Variants in EBF1 observed in about 807,000 individuals in gnomAD.
EBF1 encodes the protein transcription factor COE1.
EBF1 carries 10 observed loss-of-function variants against 68.4 expected under a neutral mutation model. That is an observed-to-expected ratio of 0.15 (90% CI 0.09 to 0.25). The LOEUF (loss-of-function observed/expected upper bound fraction) is 0.25. EBF1 is among the 10% of genes least tolerant of loss of function. The pLI, the probability that EBF1 is intolerant of heterozygous loss-of-function variation, is 1.00. For synonymous variants in EBF1, 298 were observed against 299.8 expected (o/e 0.99, Z 0.06); for missense variants, 509 against 794.4 (o/e 0.64, Z 4.32).
Position 158,712,294 on chromosome 5 carries a change from T to G in EBF1, c.1409A>C (p.Tyr470Ser), listed in dbSNP as rs1314633758. ...CTGCTGGGGAGTGGTGCTCGGCACG[T>G]ACCCGTGTGGTGATACGCTGCTTGA... ...RNSSSVSPHG[Y>S]VPSTTPQQTN... is the part of the protein sequence containing the mutation. Residue 470 changes from tyrosine to serine, a missense_variant, in exon 14 of 16, where the codon TAC becomes TCC. By Grantham distance (144) the Tyr-to-Ser change is moderately radical (BLOSUM62 -2). Coordinates refer to ENST00000313708, the MANE Select transcript of EBF1 (RefSeq NM_024007.5). 1 of 1,614,008 alleles carries G rather than the reference T, an allele frequency of 6.2e-7. No individual in the cohort carries two copies. Among genetic ancestry groups the G allele is most frequent in the Non-Finnish European group, 8.5e-7 (1 of 1,180,018 alleles).
At chr5:159,016,383 C>A (rs114305117) in intron 6 of EBF1, among the ~76,000 whole-genome samples, 1 of 152,008 alleles carries the variant, frequency 6.6e-6, no homozygotes, top group Non-Finnish European at 1.5e-5. Flanking sequence ...TCTTGCCTTT[C>A]GGAATTGCTC....
chr5:158,906,304 G>GAA lies in EBF1; in HGVS notation c.555-66196_555-66195dup, dbSNP rs1238469759. Among the ~76,000 whole-genome samples, 245 of 90,426 alleles carry GAA rather than the reference G, an allele frequency of 2.7e-3. 8 individuals carry two copies. Among genetic ancestry groups the GAA allele is most frequent in the East Asian group, 3.4e-3 (8 of 2,346 alleles). 59.3% of individuals were successfully genotyped at this position (90,426 alleles called of 152,430 possible). On this transcript the variant is annotated intron_variant, in intron 6 of 15. Coordinates refer to ENST00000313708, the MANE Select transcript of EBF1 (RefSeq NM_024007.5). ...TGTCTTTCCTTACCCTGGCAATGCA[G>GAA]AAAAAAAAAAAAAAAAAAGCAAAGA...
chr5:158,795,520 T>TTGTAACCC (rs556134151), intron 9 of EBF1, among the ~76,000 whole-genome samples: 190 of 152,332 alleles, frequency 1.2e-3, no homozygotes, highest in African/African-American at 4.5e-3. Flanking sequence ...CTATGGTACC[T>TTGTAACCC]TGTAACCCTA....
At chr5:158,960,122 G>GAGC (rs1471438842) in intron 6 of EBF1, among the ~76,000 whole-genome samples, 3 of 152,286 alleles carry the variant, frequency 2.0e-5, no homozygotes, top group African/African-American at 7.2e-5. Flanking sequence ...GGGACACTTA[G>GAGC]AGCAGCAGAT....
intron 6 of EBF1, among the ~76,000 whole-genome samples, chr5:159,042,775 T>C (rs942055586): frequency 1.3e-5 from 2 of 152,040 alleles, no homozygotes; most frequent in African/African-American, 4.8e-5. Context: ...TCTAAGTTGT[T>C]AAGTTCTGTA....
At chr5:158,932,735 A>G (rs1201655609) in intron 6 of EBF1, among the ~76,000 whole-genome samples, 1 of 152,208 alleles carries the variant, frequency 6.6e-6, no homozygotes, top group Non-Finnish European at 1.5e-5. Context: ...TCAAGCCCAG[A>G]GATTACTGAA....
At chr5:159,038,335 G>A (rs947728547) in intron 6 of EBF1, among the ~76,000 whole-genome samples, 3 of 152,122 alleles carry the variant, frequency 2.0e-5, no homozygotes, top group Admixed American at 1.3e-4. Context: ...TCTGCATTTA[G>A]GTAACAGCCC....
intron 6 of EBF1, among the ~76,000 whole-genome samples, chr5:159,000,957 A>C (rs1561757689): frequency 6.6e-6 from 1 of 152,208 alleles, no homozygotes; most frequent in African/African-American, 2.4e-5. Context: ...GGTATCAAAG[A>C]AGAATAGTCA....
chr5:159,051,352 G>T (rs1179218938), intron 6 of EBF1, among the ~76,000 whole-genome samples: 1 of 35,042 alleles, frequency 2.9e-5, no homozygotes, highest in Non-Finnish European at 6.0e-5. Flanking sequence ...CCCCTCCCCA[G>T]CCCCCCAAAC....
intron 6 of EBF1, among the ~76,000 whole-genome samples, chr5:159,046,339 A>G (rs749361771): frequency 3.9e-5 from 6 of 152,202 alleles, no homozygotes. Flanking sequence ...AATCTTGTTG[A>G]ATTGAACCCA....
chr5:159,041,302 C>T (rs928231691), intron 6 of EBF1, among the ~76,000 whole-genome samples: 1 of 152,186 alleles, frequency 6.6e-6, no homozygotes, highest in African/African-American at 2.4e-5. Context: ...TACATACCTA[C>T]CTGAACACAG....
At chr5:158,705,780 G>A (rs1050103448) in intron 15 of EBF1, among the ~76,000 whole-genome samples, 1 of 152,126 alleles carries the variant, frequency 6.6e-6, no homozygotes, top group African/African-American at 2.4e-5. Context: ...AGAAGACATC[G>A]GGCCTCCTGG....
chr5:158,884,336 C>A (rs207466516), intron 6 of EBF1, among the ~76,000 whole-genome samples: 2 of 152,158 alleles, frequency 1.3e-5, no homozygotes, highest in African/African-American at 2.4e-5. Flanking sequence ...TGATTATACC[C>A]TCTTTTGTAG....
At chr5:159,013,051 G>A (rs1764980791) in intron 6 of EBF1, among the ~76,000 whole-genome samples, 1 of 152,204 alleles carries the variant, frequency 6.6e-6, no homozygotes, top group Non-Finnish European at 1.5e-5. Flanking sequence ...ATAGATTTCT[G>A]CTGTTTAGGC....
In EBF1 at chr5:159,008,729, G is replaced by T. The variant is rs186262035; in HGVS notation, c.554+64667C>A. The stretch of plus-strand genomic sequence containing the variant: ...TTGTTGTATTTTTAGTAGAGACAAG[G>T]TTTCACCATGTTGACCAGGCTGGTC... On this transcript the variant is annotated intron_variant, in intron 6 of 15. Transcript: ENST00000313708. Among the ~76,000 whole-genome samples the T allele has an allele frequency of 1.3e-3, 191 of 151,900 alleles. 1 individual carries two copies. Among genetic ancestry groups the T allele is most frequent in the African/African-American group, 4.2e-3 (174 of 41,424 alleles).
intron 6 of EBF1, among the ~76,000 whole-genome samples, chr5:158,975,894 C>G (rs1756642654): frequency 6.6e-6 from 1 of 152,212 alleles, no homozygotes. Context: ...ACGCCCCCAT[C>G]CTCTCATTGG....
At chr5:158,836,641 G>A (rs956831707) in intron 7 of EBF1, among the ~76,000 whole-genome samples, 3 of 152,210 alleles carry the variant, frequency 2.0e-5, no homozygotes, top group Non-Finnish European at 4.4e-5. Flanking sequence ...GCACCTGCAT[G>A]CATGAAACCC....
intron 6 of EBF1, among the ~76,000 whole-genome samples, chr5:158,910,699 T>G (rs1439326735): frequency 6.6e-6 from 1 of 152,222 alleles, no homozygotes; most frequent in Non-Finnish European, 1.5e-5. Flanking sequence ...TCAGAACAAA[T>G]AGGTTTTATG....
At chr5:158,816,110 T>C (rs75123303) in intron 8 of EBF1, among the ~76,000 whole-genome samples, 3,869 of 152,304 alleles carry the variant, frequency 0.025, 179 homozygotes, top group African/African-American at 0.088. Flanking sequence ...GATCTTGCCT[T>C]AGTGGGCTTG....
Sources: gnomAD v4.1 joint callset for allele counts (sites outside exome capture counted in the v4.1 genomes callset) on GRCh38, gnomAD v4.1.1 for gene constraint, MANE v1.5 for transcripts, NCBI Gene and HGNC (gene_info 2026-07-23, HGNC 2026-07-21) for gene names.